Variants in UBE2Q2 observed in about 807,000 individuals in gnomAD.
UBE2Q2 encodes ubiquitin-conjugating enzyme E2 Q2.
UBE2Q2 carries 54 observed loss-of-function variants against 59.9 expected under a neutral mutation model. That is an observed-to-expected ratio of 0.90 (90% CI 0.72 to 1.13). The LOEUF is 1.13. Ranked by LOEUF, UBE2Q2 falls within the 50% of genes most tolerant of loss-of-function variation. The probability of loss-of-function intolerance (pLI) is 0.00; values close to 1 mark genes in which losing one functional copy is unlikely to be tolerated. For synonymous variants in UBE2Q2, 165 were observed against 155.2 expected, an observed-to-expected ratio of 1.06 and a Z score of -0.47; for missense variants, 433 against 441.9, an observed-to-expected ratio of 0.98 and a Z score of 0.18.
At chr15:75,889,544 A>T (rs1015666044) in intron 9 of UBE2Q2, among the ~76,000 whole-genome samples, 7 of 152,142 alleles carry the variant, frequency 4.6e-5, no homozygotes, top group Admixed American at 4.6e-4. Flanking sequence ...CTGGGGGGAA[A>T]TACAGCATTT....
intron 5 of UBE2Q2, among the ~76,000 whole-genome samples, chr15:75,875,021 C>G (rs1281172765): frequency 6.6e-6 from 1 of 152,020 alleles, no homozygotes; most frequent in Admixed American, 6.6e-5. Flanking sequence ...TAGTCAAGCC[C>G]CCATATCTTG....
intron 2 of UBE2Q2, among the ~76,000 whole-genome samples, 156 bp downstream of exon 2, chr15:75,854,643 A>G (rs899553187): frequency 3.3e-5 from 5 of 151,970 alleles, no homozygotes; most frequent in Admixed American, 1.3e-4. Context: ...TTCAAATTCT[A>G]TTTACTACCT....
At chr15:75,858,306 A>T (rs1372276988) in intron 2 of UBE2Q2, among the ~76,000 whole-genome samples, 1 of 152,192 alleles carries the variant, frequency 6.6e-6, no homozygotes, top group African/African-American at 2.4e-5. Flanking sequence ...ATTCAAAATG[A>T]TGACGTTTAA....
chr15:75,880,563 A>G (rs2460799), intron 8 of UBE2Q2, among the ~76,000 whole-genome samples: 142,737 of 151,822 alleles, frequency 0.94, 67,380 homozygotes, highest in East Asian at 1. Context: ...GTGTGGTGGC[A>G]CAATCTTGGC....
At chr15:75,890,863 C>A in intron 10 of UBE2Q2, 56 bp from the exon 11 acceptor site, 1 of 1,501,182 alleles carries the variant, frequency 6.7e-7, no homozygotes, top group South Asian at 1.1e-5. Context: ...GTTAGGCCTT[C>A]CCAAGTGGGA....
chr15:75,866,506 A>C (rs1323364689), intron 3 of UBE2Q2, among the ~76,000 whole-genome samples: 6 of 152,146 alleles, frequency 3.9e-5, no homozygotes, highest in Admixed American at 3.9e-4. Context: ...AGAGCCACTT[A>C]ATATTCTAAA....
chr15:75,862,552 C>T (rs1304400245), intron 3 of UBE2Q2, among the ~76,000 whole-genome samples: 1 of 151,078 alleles, frequency 6.6e-6, no homozygotes, highest in Non-Finnish European at 1.5e-5. Context: ...TGTGGTGGCT[C>T]ACACGTATAA....
intron 9 of UBE2Q2, among the ~76,000 whole-genome samples, chr15:75,887,364 T>C (rs1221404599): frequency 6.6e-6 from 1 of 152,110 alleles, no homozygotes; most frequent in East Asian, 1.9e-4. Context: ...TTTGGTCAGC[T>C]GGTGGAGGTT....
intron 1 of UBE2Q2, among the ~76,000 whole-genome samples, chr15:75,852,187 C>G (rs910483094): frequency 2.0e-5 from 3 of 152,048 alleles, no homozygotes; most frequent in African/African-American, 4.8e-5. Flanking sequence ...TTATCGTAGA[C>G]ATTCTTAAAT....
chr15:75,854,315 T>C, intron 1 of UBE2Q2, 71 bp from the exon 2 acceptor site: 1 of 1,152,676 alleles, frequency 8.7e-7, no homozygotes, highest in South Asian at 1.4e-5. Flanking sequence ...TGCCGTTTAG[T>C]GGTGTGGTTT....
chr15:75,846,112 A>G (rs976158843), intron 1 of UBE2Q2, among the ~76,000 whole-genome samples: 2 of 152,246 alleles, frequency 1.3e-5, no homozygotes, highest in Non-Finnish European at 2.9e-5. Context: ...AGCCTCAACA[A>G]TGATAAACTT....
intron 9 of UBE2Q2, among the ~76,000 whole-genome samples, chr15:75,885,352 G>A (rs930394610): frequency 9.9e-5 from 15 of 151,996 alleles, no homozygotes; most frequent in African/African-American, 7.2e-5. Context: ...TCTTGACCTC[G>A]TGATCCGCCT....
intron 2 of UBE2Q2, among the ~76,000 whole-genome samples, chr15:75,858,873 C>T (rs1160166916): frequency 6.6e-6 from 1 of 152,162 alleles, no homozygotes; most frequent in Non-Finnish European, 1.5e-5. Context: ...ACCGTTCAAC[C>T]TTCCTCATTT....
Position 75,885,354 on chromosome 15 carries a change from G to GGGCTGAAGCC in UBE2Q2, c.884+1930_884+1931insGGCTGAAGCC, listed in dbSNP as rs1898699903. ...GATGGTCTCTATCTCTTGACCTCGT[G>GGGCTGAAGCC]ATCCGCCTGCCTCAGCCTCCCAAAG... On this transcript the variant is annotated intron_variant, in intron 9 of 12. Transcript: ENST00000267938. 3.9e-5 allele frequency among the ~76,000 whole-genome samples: 6 copies of GGGCTGAAGCC among 152,120 alleles called. No individual in the cohort carries two copies. In the East Asian group the frequency reaches 9.8e-4, roughly 25 times the overall value.
At chr15:75,860,453 T>A (rs56297210) in intron 3 of UBE2Q2, among the ~76,000 whole-genome samples, 4 of 149,972 alleles carry the variant, frequency 2.7e-5, no homozygotes, top group Non-Finnish European at 4.4e-5. Flanking sequence ...CTATTTATTT[T>A]TTTTTTACTA....
chr15:75,860,342 C>G (rs1897149788), intron 3 of UBE2Q2, among the ~76,000 whole-genome samples: 1 of 152,168 alleles, frequency 6.6e-6, no homozygotes, highest in African/African-American at 2.4e-5. Context: ...AAAGACTAAA[C>G]CAAATGTTAT....
intron 3 of UBE2Q2, among the ~76,000 whole-genome samples, chr15:75,862,447 G>C (rs1424320732): frequency 6.8e-6 from 1 of 146,878 alleles, no homozygotes; most frequent in Non-Finnish European, 1.5e-5. Context: ...CTTTCCTCAG[G>C]TATCTATTCT....
Position 75,873,460 on chromosome 15 carries a change from G to A in UBE2Q2, c.480G>A (p.Lys160=). 1 of 1,613,054 alleles carries A rather than the reference G, an allele frequency of 6.2e-7. No homozygotes were observed. Among genetic ancestry groups the A allele is most frequent in the Non-Finnish European group, 8.5e-7 (1 of 1,179,830 alleles). The change falls in exon 5 of 13, where the codon AAG becomes AAA. Residue 160 remains lysine (K), a synonymous_variant. Transcript: ENST00000267938. ...DIEDLDHYEM[K]EEEPISGKKS... The stretch of plus-strand genomic sequence containing the variant: ...AAGACTTAGATCACTATGAGATGAA[G>A]GAAGAAGAGCCTATTAGTGGGAAAA...
At chr15:75,894,839 G>A (rs1899305832) in intron 11 of UBE2Q2, among the ~76,000 whole-genome samples, 1 of 152,000 alleles carries the variant, frequency 6.6e-6, no homozygotes, top group Admixed American at 6.5e-5. Flanking sequence ...TCATTTGGGA[G>A]TTTCAGGGTA....
Sources: allele counts gnomAD v4.1 joint callset (sites outside exome capture counted in the v4.1 genomes callset), GRCh38; gene constraint gnomAD v4.1.1; transcripts MANE v1.5; gene names NCBI Gene and HGNC (gene_info 2026-07-23, HGNC 2026-07-21).